The following BRINP3 variants were observed in gnomAD, a reference collection of about 807,000 sequenced individuals.
BRINP3 encodes the protein BMP/retinoic acid inducible neural specific 3.
Under a neutral mutation model 71.0 loss-of-function variants are expected in BRINP3, and 19 were observed. The ratio of observed to expected loss-of-function variants is 0.27; its 90% CI spans 0.19 to 0.39. BRINP3 has a LOEUF of 0.39. Among genes scored for constraint, BRINP3 ranks in the 10% least tolerant of loss-of-function variants. BRINP3 has a pLI of 1.00. For synonymous variants in BRINP3, 380 were observed against 337.7 expected, an observed-to-expected ratio of 1.13 and a Z score of -1.37; for missense variants, 959 against 940.8, an observed-to-expected ratio of 1.02 and a Z score of -0.25.
chr1:190,379,243 G>C (rs1670367437), intron 2 of BRINP3, among the ~76,000 whole-genome samples: 1 of 152,118 alleles, frequency 6.6e-6, no homozygotes, highest in African/African-American at 2.4e-5. Context: ...AGACATTTAT[G>C]AATTAAATAT....
intron 2 of BRINP3, among the ~76,000 whole-genome samples, chr1:190,312,073 A>ATATATATG (rs1215673029): frequency 5.6e-4 from 78 of 139,612 alleles, no homozygotes; most frequent in African/African-American, 1.0e-3. Context: ...ATATATATAT[A>ATATATATG]TATGTATTTC....
At chr1:190,124,027 T>A (rs1402940556) in intron 7 of BRINP3, among the ~76,000 whole-genome samples, 3 of 152,192 alleles carry the variant, frequency 2.0e-5, no homozygotes, top group African/African-American at 7.2e-5. Context: ...TACTTATATA[T>A]GGCATATGCC....
chr1:190,249,729 C>G, intron 4 of BRINP3, among the ~76,000 whole-genome samples: 1 of 151,672 alleles, frequency 6.6e-6, no homozygotes, highest in East Asian at 1.9e-4. Context: ...TTTTGAGTTA[C>G]GTGAAGGTGA....
At chr1:190,314,110 T>C (rs1195606774) in intron 2 of BRINP3, among the ~76,000 whole-genome samples, 1 of 152,042 alleles carries the variant, frequency 6.6e-6, no homozygotes, top group East Asian at 1.9e-4. Flanking sequence ...AGTACTATGA[T>C]AGATATTTTG....
chr1:190,158,535 C>A (rs936499677), intron 7 of BRINP3, among the ~76,000 whole-genome samples: 10 of 151,918 alleles, frequency 6.6e-5, no homozygotes, highest in Non-Finnish European at 1.3e-4. Flanking sequence ...GTGACGGGAT[C>A]AATCATACCT....
intron 6 of BRINP3, among the ~76,000 whole-genome samples, chr1:190,212,354 T>A (rs1046898174): frequency 1.3e-5 from 2 of 152,122 alleles, no homozygotes; most frequent in Non-Finnish European, 2.9e-5. Context: ...AAGCTTGGTT[T>A]ATCTTATTTT....
At chr1:190,376,926 C>T (rs967470426) in intron 2 of BRINP3, among the ~76,000 whole-genome samples, 5 of 151,996 alleles carry the variant, frequency 3.3e-5, no homozygotes, top group Non-Finnish European at 7.4e-5. Flanking sequence ...TAGAGCAGTG[C>T]TATCCAGTAA....
chr1:190,262,635 C>T (rs1661285570), intron 4 of BRINP3, among the ~76,000 whole-genome samples: 1 of 152,120 alleles, frequency 6.6e-6, no homozygotes, highest in African/African-American at 2.4e-5. Flanking sequence ...AACTCCTTTC[C>T]ATGGTTAACG....
At chr1:190,197,822 G>C (rs1437473248) in intron 6 of BRINP3, among the ~76,000 whole-genome samples, 1 of 152,142 alleles carries the variant, frequency 6.6e-6, no homozygotes, top group East Asian at 1.9e-4. Flanking sequence ...GGGTCTGGAG[G>C]ACTGTATCCC....
chr1:190,120,828 A>C (rs1222927506), intron 7 of BRINP3, among the ~76,000 whole-genome samples: 1 of 151,896 alleles, frequency 6.6e-6, no homozygotes, highest in Non-Finnish European at 1.5e-5. Context: ...TAAGTGCAAA[A>C]TTTTTCTAAA....
At chr1:190,361,222 T>C (rs976186590) in intron 2 of BRINP3, among the ~76,000 whole-genome samples, 31 of 151,928 alleles carry the variant, frequency 2.0e-4, no homozygotes, top group African/African-American at 6.3e-4. Context: ...AGAGGAACCA[T>C]TGAAGACTTT....
intron 7 of BRINP3, among the ~76,000 whole-genome samples, chr1:190,105,618 C>A (rs1388123502): frequency 6.6e-6 from 1 of 152,024 alleles, no homozygotes; most frequent in African/African-American, 2.4e-5. Flanking sequence ...AGTGTCAGAG[C>A]TAAAGGTTTA....
At chr1:190,325,631 T>G (rs1450988538) in intron 2 of BRINP3, among the ~76,000 whole-genome samples, 1 of 152,108 alleles carries the variant, frequency 6.6e-6, no homozygotes, top group Non-Finnish European at 1.5e-5. Flanking sequence ...TAAGGTTGTC[T>G]TGAGTTACTT....
At position 190,307,263 on chromosome 1, in the gene BRINP3, T is replaced by G. The variant is rs1488346271; in HGVS notation, c.237-25513A>C. 4.3e-5 allele frequency among the ~76,000 whole-genome samples: 5 copies of G among 116,580 alleles called. No individual in the cohort carries two copies. The East Asian group carries it at 7.3e-4, about 17-fold the overall frequency. 76.5% of individuals were successfully genotyped at this position (116,580 alleles called of 152,430 possible). ...AGCTCCTCATTTAAAACATTGTTTT[T>G]TTTTTTTTTTTTTTTTTTTTTTTGA... On this transcript the variant is annotated intron_variant, in intron 2 of 7. Coordinates refer to ENST00000367462, the MANE Select transcript of BRINP3 (RefSeq NM_199051.3).
chr1:190,236,673 A>G (rs1231122966), intron 4 of BRINP3, among the ~76,000 whole-genome samples: 1 of 151,938 alleles, frequency 6.6e-6, no homozygotes, highest in African/African-American at 2.4e-5. Flanking sequence ...TACTGAATAG[A>G]CCTTACTTTG....
At chr1:190,434,563 G>A (rs770736418) in intron 2 of BRINP3, among the ~76,000 whole-genome samples, 4 of 151,716 alleles carry the variant, frequency 2.6e-5, no homozygotes, top group African/African-American at 7.3e-5. Context: ...TTACACTATA[G>A]ACATTAAAGC....
At chr1:190,433,758 C>T (rs569426934) in intron 2 of BRINP3, among the ~76,000 whole-genome samples, 154 of 152,132 alleles carry the variant, frequency 1.0e-3, no homozygotes, top group Non-Finnish European at 2.0e-3. Context: ...TGTAATTGCT[C>T]CTTCATATAC....
At chr1:190,441,660 A>C (rs1571320168) in intron 2 of BRINP3, among the ~76,000 whole-genome samples, 1 of 152,246 alleles carries the variant, frequency 6.6e-6, no homozygotes, top group Middle Eastern at 3.4e-3. Context: ...TATAATTTTC[A>C]AGAAAAGAAA....
At chr1:190,314,505 A>T (rs1297708910) in intron 2 of BRINP3, among the ~76,000 whole-genome samples, 1 of 152,156 alleles carries the variant, frequency 6.6e-6, no homozygotes, top group African/African-American at 2.4e-5. Context: ...AAGCAGAGAC[A>T]TTGCAAAATA....
Sources: allele counts gnomAD v4.1 joint callset (sites outside exome capture counted in the v4.1 genomes callset), GRCh38; gene constraint gnomAD v4.1.1; transcripts MANE v1.5; gene names NCBI Gene and HGNC (gene_info 2026-07-23, HGNC 2026-07-21).